The following CCDC14 variants were observed in gnomAD, a reference collection of about 807,000 sequenced individuals.
CCDC14 encodes the protein coiled-coil domain containing 14.
A neutral mutation model predicts 81.4 loss-of-function variants in CCDC14; 71 were observed. That is an observed-to-expected ratio of 0.87 (90% CI 0.72 to 1.06). The LOEUF (loss-of-function observed/expected upper bound fraction) is 1.06, where lower values mean the gene tolerates loss of function less well. Ranked by LOEUF, CCDC14 falls within the 50% of genes least tolerant of loss-of-function variation. The probability of loss-of-function intolerance (pLI) is 0.00; values close to 1 mark genes in which losing one functional copy is unlikely to be tolerated. For missense variants in CCDC14, 1,046 were observed against 1,047.3 expected, an observed-to-expected ratio of 1.00 and a Z score of 0.02; for synonymous variants, 332 against 364.8, an observed-to-expected ratio of 0.91 and a Z score of 1.03.
downstream of CCDC14, among the ~76,000 whole-genome samples, chr3:123,895,342 GAAGGAA>G (rs2034044197): frequency 1.3e-5 from 2 of 152,142 alleles, no homozygotes; most frequent in Non-Finnish European, 2.9e-5. Context: ...GAAGGAAAGG[GAAGGAA>G]AAGACAGTAA....
rs201220325 is a variant in CCDC14, at chr3:123,961,181, C to T, written c.-8G>A. 1,285 of 1,551,516 alleles carry T rather than the reference C, an allele frequency of 8.3e-4. 12 individuals are homozygous for T. Among genetic ancestry groups the T allele is most frequent in the Non-Finnish European group, 1.8e-4 (207 of 1,146,996 alleles). ...AGCTCCAGACCTGACCATCTCTCGCCGCCTCAGAGAAGCCCAGACCGAGGG... is the reference window on the plus strand; with the variant it reads ...AGCTCCAGACCTGACCATCTCTCGCTGCCTCAGAGAAGCCCAGACCGAGGG... On this transcript the variant is annotated 5_prime_UTR_variant, in exon 1 of 13. Transcript: ENST00000409697.
At chr3:123,925,593 GC>G (rs989384486) in intron 12 of CCDC14, among the ~76,000 whole-genome samples, 4 of 152,156 alleles carry the variant, frequency 2.6e-5, no homozygotes, top group Non-Finnish European at 4.4e-5. Flanking sequence ...CTGCTACCAT[GC>G]CCAGGTAATT....
chr3:123,925,089 A>T (rs2460700), intron 12 of CCDC14, among the ~76,000 whole-genome samples: 123,286 of 151,210 alleles, frequency 0.82, 50,789 homozygotes, highest in African/African-American at 0.93. Flanking sequence ...TATTTCTTTA[A>T]GGAAAACGTG....
chr3:123,916,337 G>C (rs376388898), intron 12 of CCDC14, among the ~76,000 whole-genome samples: 2 of 151,966 alleles, frequency 1.3e-5, no homozygotes, highest in African/African-American at 4.8e-5. Flanking sequence ...GTTCATTCTT[G>C]AGCAGCACTA....
intron 5 of CCDC14, among the ~76,000 whole-genome samples, chr3:123,906,211 T>C (rs1349673911): frequency 6.6e-6 from 1 of 152,034 alleles, no homozygotes; most frequent in Non-Finnish European, 1.5e-5. Flanking sequence ...GCACCTGTAG[T>C]CCCAACTACT....
intron 5 of CCDC14, among the ~76,000 whole-genome samples, chr3:123,907,316 C>A (rs776187302): frequency 6.6e-6 from 1 of 152,068 alleles, no homozygotes; most frequent in Non-Finnish European, 1.5e-5. Flanking sequence ...GGTGTTCATT[C>A]TTCCACTTGG....
At chr3:123,907,011 T>C (rs2034326942) in intron 5 of CCDC14, among the ~76,000 whole-genome samples, 1 of 152,198 alleles carries the variant, frequency 6.6e-6, no homozygotes, top group Admixed American at 6.5e-5. Flanking sequence ...TTGGTTTCAA[T>C]AAATAGCTGT....
chr3:123,944,287 A>G (rs2036512932), intron 9 of CCDC14, among the ~76,000 whole-genome samples: 1 of 152,164 alleles, frequency 6.6e-6, no homozygotes, highest in African/African-American at 2.4e-5. Context: ...CCTTTCTATT[A>G]GGCAGGGCCA....
chr3:123,898,920 A>G (rs1438448004), intron 5 of CCDC14, among the ~76,000 whole-genome samples: 1 of 139,864 alleles, frequency 7.1e-6, no homozygotes, highest in Non-Finnish European at 1.5e-5. Flanking sequence ...GGGTTTCCTC[A>G]TGTTGGTCAG....
At chr3:123,933,352 A>T (rs1267784439) in intron 10 of CCDC14, among the ~76,000 whole-genome samples, 1 of 152,214 alleles carries the variant, frequency 6.6e-6, no homozygotes. Flanking sequence ...GCTGTGGAAA[A>T]GTATGTACAG....
intron 9 of CCDC14, among the ~76,000 whole-genome samples, chr3:123,938,012 T>G (rs1340783800): frequency 1.3e-5 from 2 of 151,942 alleles, no homozygotes; most frequent in African/African-American, 4.8e-5. Flanking sequence ...GTGATCTATT[T>G]GTCACCTTTA....
chr3:123,938,514 C>A (rs1387076709), intron 9 of CCDC14, among the ~76,000 whole-genome samples: 1 of 151,888 alleles, frequency 6.6e-6, no homozygotes, highest in Non-Finnish European at 1.5e-5. Flanking sequence ...TCCATAGGAT[C>A]TTCTACAAGA....
Position 123,918,059 on chromosome 3 carries a change from T to C in CCDC14, c.1779-2341A>G, listed in dbSNP as rs550646386. On this transcript the variant is annotated intron_variant, in intron 12 of 12. Transcript: ENST00000409697. The stretch of plus-strand genomic sequence containing the variant: ...GGAAAATGTTCATTACATAAGGTTA[T>C]ATTAAGAAAAGCAGGCCATAAATAA... Among the ~76,000 whole-genome samples, 16 of 152,306 alleles carry C rather than the reference T, an allele frequency of 1.1e-4. No individual in the cohort carries two copies. The South Asian group carries it at 3.3e-3, about 32-fold the overall frequency.
intron 12 of CCDC14, among the ~76,000 whole-genome samples, chr3:123,924,604 A>G (rs2035249185): frequency 6.6e-6 from 1 of 152,118 alleles, no homozygotes; most frequent in Admixed American, 6.5e-5. Context: ...AAAACAAATA[A>G]TTAAAAAATG....
At position 123,961,028 on chromosome 3, in the gene CCDC14, A is replaced by G; in HGVS notation, c.30+116T>C. On this transcript the variant is annotated intron_variant, in intron 1 of 12. Coordinates refer to ENST00000409697, the MANE Select transcript of CCDC14 (RefSeq NM_001366335.1). ...CCCTGCACCTCTGTCCCAGCACTTT[A>G]ATGTCGCCGCATTGTCTTTGTCTTT... 5.5e-6 allele frequency: 5 copies of G among 911,178 alleles called. No homozygotes were observed. The South Asian group carries it at 8.8e-5, about 16-fold the overall frequency. 56.4% of individuals were successfully genotyped at this position (911,178 alleles called of 1,614,324 possible).
downstream of CCDC14, among the ~76,000 whole-genome samples, chr3:123,894,623 C>T (rs551016223): frequency 1.3e-5 from 2 of 152,174 alleles, no homozygotes; most frequent in South Asian, 4.2e-4. Context: ...TCTTTAATTT[C>T]TTTTTAGCAA....
At chr3:123,919,111 C>T (rs187581037) in intron 12 of CCDC14, among the ~76,000 whole-genome samples, 15 of 152,238 alleles carry the variant, frequency 9.9e-5, no homozygotes, top group African/African-American at 3.6e-4. Flanking sequence ...TTCCCCAGAC[C>T]CAGAGGCAAG....
downstream of CCDC14, among the ~76,000 whole-genome samples, chr3:123,910,099 C>A (rs558734057): frequency 1.3e-5 from 2 of 152,116 alleles, no homozygotes; most frequent in African/African-American, 4.8e-5. Context: ...TAGTTAGAAC[C>A]TTAGTCTTCG....
At chr3:123,960,627 T>C (rs2037624449) in intron 1 of CCDC14, among the ~76,000 whole-genome samples, 1 of 152,234 alleles carries the variant, frequency 6.6e-6, no homozygotes, top group Admixed American at 6.5e-5. Flanking sequence ...TTGGCTGCTG[T>C]TATCATTAAG....
Sources: allele counts gnomAD v4.1 joint callset (sites outside exome capture counted in the v4.1 genomes callset), GRCh38; gene constraint gnomAD v4.1.1; transcripts MANE v1.5; gene names NCBI Gene and HGNC (gene_info 2026-07-23, HGNC 2026-07-21).